Variants in PABPC4 observed in about 807,000 individuals in gnomAD.
The protein encoded by PABPC4 is poly(A) binding protein cytoplasmic 4, also known as polyadenylate-binding protein 4.
Under a neutral mutation model 74.5 loss-of-function variants are expected in PABPC4, and 15 were observed. The ratio of observed to expected loss-of-function variants is 0.20; its 90% CI spans 0.13 to 0.31. PABPC4 has a LOEUF of 0.31. Ranked by LOEUF, PABPC4 falls within the 10% of genes least tolerant of loss-of-function variation. PABPC4 has a pLI of 1.00. For synonymous variants in PABPC4, 345 were observed against 303.0 expected, an observed-to-expected ratio of 1.14 and a Z score of -1.44; for missense variants, 610 against 853.5, an observed-to-expected ratio of 0.71 and a Z score of 3.55.
rs1646021049 is a variant in PABPC4 at position 39,576,027 on chromosome 1, T to TCGGACC, written c.-77_-76insGGTCCG. The TCGGACC allele has an allele frequency of 9.8e-7, 1 of 1,019,100 alleles. No individual in the cohort carries two copies. The highest frequency in any genetic ancestry group is 1.3e-6 in the Non-Finnish European group (1 of 747,302). 63.1% of individuals were successfully genotyped at this position (1,019,100 alleles called of 1,614,324 possible). Reference sequence around the variant, plus strand: ...CCCGCCGCAGGACAAAGGGGCGCCTTCGGAGCCCGGGCCCGCGCCGCGGCT... The same window carrying TCGGACC: ...CCCGCCGCAGGACAAAGGGGCGCCTTCGGACCCGGAGCCCGGGCCCGCGCCGCGGCT... On this transcript the variant is annotated 5_prime_UTR_variant, in exon 1 of 16. Transcript: ENST00000372858.
chr1:39,576,241 T>C lies in PABPC4; in HGVS notation c.-290A>G. On this transcript the variant is annotated 5_prime_UTR_variant, in exon 1 of 16. Coordinates refer to ENST00000372858, the MANE Select transcript of PABPC4 (RefSeq NM_001135653.2). ...GTGCGAAGCTCCAAATTTCAAAAAA[T>C]CAAAGTAGGAAAAAAATTAAACGGG... is the stretch of plus-strand genomic sequence containing the variant. 1 of 341,406 alleles carries C rather than the reference T, an allele frequency of 2.9e-6. No homozygotes were observed. The highest frequency in any genetic ancestry group is 7.4e-4 in the Middle Eastern group (1 of 1,350). The allele number at this position is 341,406 out of a possible 1,614,324, so 21.1% of individuals were successfully genotyped here.
At chr1:39,563,947 T>C in intron 10 of PABPC4, 25 bp from the exon 11 acceptor site, 1 of 1,609,968 alleles carries the variant, frequency 6.2e-7, no homozygotes, top group South Asian at 1.1e-5. Context: ...CAAATGCACA[T>C]CAGTGTTGGC....
At position 39,576,007 on chromosome 1, in the gene PABPC4, C is replaced by A. The variant is rs1167405312; in HGVS notation, c.-56G>T. ...CAGGAGGACTTCTTATCGGGCCCGC[C>A]GCAGGACAAAGGGGCGCCTTCGGAG... On this transcript the variant is annotated 5_prime_UTR_variant, in exon 1 of 16. Coordinates refer to ENST00000372858, the MANE Select transcript of PABPC4 (RefSeq NM_001135653.2). 5 of 1,288,386 alleles carry A rather than the reference C, an allele frequency of 3.9e-6. No homozygotes were observed. The highest frequency in any genetic ancestry group is 4.1e-6 in the Non-Finnish European group (4 of 967,340). 79.8% of individuals were successfully genotyped at this position (1,288,386 alleles called of 1,614,324 possible).
rs1645774332 is a variant in PABPC4, at chr1:39,561,890, C to G, written c.1894-103G>C. On this transcript the variant is annotated intron_variant, in intron 14 of 15. Transcript: ENST00000372858. Reference sequence around the variant, plus strand: ...ACCAAAGCCAACTGTACAGATGATCCCTAGGCTTCTGGTGCTAACTACTTT... The same window carrying G: ...ACCAAAGCCAACTGTACAGATGATCGCTAGGCTTCTGGTGCTAACTACTTT... The G allele has an allele frequency of 8.3e-6, 10 of 1,204,168 alleles. No homozygotes were observed. The South Asian group carries it at 1.2e-4, about 15-fold the overall frequency. 74.6% of individuals were successfully genotyped at this position (1,204,168 alleles called of 1,614,324 possible). A position where few individuals can be genotyped will look rare whatever the true frequency, so the allele number is the denominator to read the frequency against.
At position 39,565,141 on chromosome 1, in the gene PABPC4, C is replaced by T; in HGVS notation, c.1210G>A (p.Ala404Thr). The change falls in exon 8 of 16, where the codon GCA (alanine) becomes ACA (threonine). Residue 404 changes from alanine to threonine, a missense_variant. Physicochemically the swap from Ala to Thr is moderately conservative, Grantham distance 58 (BLOSUM62 0). Coordinates refer to ENST00000372858, the MANE Select transcript of PABPC4 (RefSeq NM_001135653.2). ...ANAILNQFQP[A>T]AGGYFVPAVP... is the part of the protein sequence containing the mutation. ...GCTGGCACAAAGTAGCCACCCGCTG[C>T]AGGCTGGAACTGATTTAAGATGGCA... The T allele has an allele frequency of 3.1e-6, 5 of 1,614,172 alleles. No homozygotes were observed. Among genetic ancestry groups the T allele is most frequent in the Admixed American group, 1.7e-5 (1 of 60,030 alleles).
chr1:39,565,171 C>T lies in PABPC4; in HGVS notation c.1180G>A (p.Ala394Thr). The T allele has an allele frequency of 6.2e-7, 1 of 1,614,190 alleles. No individual in the cohort carries two copies. Among genetic ancestry groups the T allele is most frequent in the Non-Finnish European group, 8.5e-7 (1 of 1,180,034 alleles). The change falls in exon 8 of 16, where the codon GCC (alanine) becomes ACC (threonine). Residue 394 changes from alanine (A) to threonine (T), a missense_variant. This residue lies in a region of PABPC4 where 277 missense variants were observed against 301.8 expected (regional missense o/e 0.92). Coordinates refer to ENST00000372858, the MANE Select transcript of PABPC4 (RefSeq NM_001135653.2). ...QRVAGMRALP[A>T]NAILNQFQPA... The stretch of plus-strand genomic sequence containing the variant: ...TGGAACTGATTTAAGATGGCATTGG[C>T]AGGAAGTGCTCTCATTCCAGCCACT...
Position 39,561,714 on chromosome 1 carries a change from G to T in PABPC4, c.1967C>A (p.Ala656Asp). The T allele has an allele frequency of 6.2e-7, 1 of 1,613,206 alleles. No homozygotes were observed. The highest frequency in any genetic ancestry group is 8.5e-7 in the Non-Finnish European group (1 of 1,179,704). Reference sequence around the variant, plus strand: ...TTTCCTTGTCTAAGAGGTAGCAGCAGCAACAGCGCCCACCTTCTGGGCAGC... The same window carrying T: ...TTTCCTTGTCTAAGAGGTAGCAGCATCAACAGCGCCCACCTTCTGGGCAGC... The part of the protein sequence containing the change: ...KEAAQKVGAV[A>D]AATS The change falls in exon 15 of 16, where the codon GCT becomes GAT. Residue 656 changes from alanine to aspartate, a missense_variant. Physicochemically the swap from Ala to Asp is moderately radical, Grantham distance 126 (BLOSUM62 -2). Transcript: ENST00000372858.
intron 7 of PABPC4, chr1:39,567,323 G>C (rs561927424): frequency 4.0e-6 from 2 of 503,956 alleles, no homozygotes; most frequent in South Asian, 2.9e-5. Flanking sequence ...CAGGGTAGAA[G>C]TTCCCAAGCC....
intron 12 of PABPC4, 112 bp downstream of exon 12, chr1:39,563,502 A>G (rs1009383426): frequency 3.9e-5 from 52 of 1,335,186 alleles, no homozygotes; most frequent in Non-Finnish European, 4.7e-5. Context: ...ACATAGCGTC[A>G]TAACACAGAG....
intron 9 of PABPC4, 64 bp downstream of exon 9, chr1:39,564,622 G>GA (rs1237534805): frequency 6.2e-7 from 1 of 1,609,520 alleles, no homozygotes; most frequent in Non-Finnish European, 8.5e-7. Context: ...GGGGAAGAAG[G>GA]AAAGGCAGGG....
At chr1:39,571,556 T>C (rs1645940260) in intron 2 of PABPC4, 2 of 611,110 alleles carry the variant, frequency 3.3e-6, no homozygotes, top group African/African-American at 3.7e-5. Flanking sequence ...AAGATGCTTC[T>C]ATTCCAAATG....
chr1:39,570,569 T>C (rs2124461744), intron 3 of PABPC4: 1 of 154,656 alleles, frequency 6.5e-6, no homozygotes, highest in South Asian at 2.0e-4. Flanking sequence ...ACAAAAATTA[T>C]TTTGGCTTGT....
At chr1:39,567,571 T>C in intron 7 of PABPC4, 180 bp downstream of exon 7, 2 of 698,002 alleles carry the variant, frequency 2.9e-6, no homozygotes. Context: ...TGGGAAACAG[T>C]GTAATGTTAA....
chr1:39,562,777 T>C (rs997408824), intron 12 of PABPC4: 2 of 188,248 alleles, frequency 1.1e-5, no homozygotes, highest in Non-Finnish European at 2.2e-5. Context: ...AACACTTGTA[T>C]ATAACCTTTT....
chr1:39,566,582 G>A (rs751591208), intron 7 of PABPC4, among the ~76,000 whole-genome samples: 5 of 152,188 alleles, frequency 3.3e-5, no homozygotes, highest in Admixed American at 1.3e-4. Context: ...TTATGTCTTA[G>A]TTAATGGCCC....
In PABPC4 at chr1:39,566,826, G is replaced by T. The variant is rs149825133; in HGVS notation, c.972+925C>A. On this transcript the variant is annotated intron_variant, in intron 7 of 15. Transcript: ENST00000372858. The stretch of plus-strand genomic sequence containing the variant: ...TTACACTGATGAGGGCCAGTCAAGG[G>T]GGGGGTCATAGCAAAAACGAAAGGG... Among the ~76,000 whole-genome samples, 171 of 152,260 alleles carry T rather than the reference G, an allele frequency of 1.1e-3. 1 individual carries two copies. The highest frequency in any genetic ancestry group is 3.9e-3 in the African/African-American group (161 of 41,540).
At chr1:39,572,214 G>A (rs755700601) in intron 2 of PABPC4, among the ~76,000 whole-genome samples, 179 bp downstream of exon 2, 9 of 152,202 alleles carry the variant, frequency 5.9e-5, no homozygotes, top group Non-Finnish European at 1.0e-4. Flanking sequence ...GAAAGCGTGT[G>A]CTGGTTACGC....
rs1403007367 is a variant in PABPC4 at position 39,563,870 on chromosome 1, G to A, written c.1506C>T (p.Ala502=). The A allele has an allele frequency of 6.2e-7, 1 of 1,614,224 alleles. No homozygotes were observed. The highest frequency in any genetic ancestry group is 1.3e-5 in the African/African-American group (1 of 75,060). ...LAMDFGGAGA[A]QQGLTDSCQS... ...GGCAGCTGTCAGTCAGCCCTTGCTGGGCGGCACCAGCCCCACCAAAGTCCA... is the reference window on the plus strand; with the variant it reads ...GGCAGCTGTCAGTCAGCCCTTGCTGAGCGGCACCAGCCCCACCAAAGTCCA... The change falls in exon 11 of 16, where the codon GCC becomes GCT. Residue 502 remains alanine (A), a synonymous_variant. Coordinates refer to ENST00000372858, the MANE Select transcript of PABPC4 (RefSeq NM_001135653.2).
chr1:39,564,108 T>C lies in PABPC4; in HGVS notation c.1454-186A>G, dbSNP rs1645801012. The C allele has an allele frequency of 6.4e-6, 4 of 621,976 alleles. No individual in the cohort carries two copies. In the East Asian group the frequency reaches 1.1e-4, roughly 17 times the overall value. The allele number at this position is 621,976 out of a possible 1,614,324, so 38.5% of individuals were successfully genotyped here. A position where few individuals can be genotyped will look rare whatever the true frequency, so the allele number is the denominator to read the frequency against. The stretch of plus-strand genomic sequence containing the variant: ...ACATCTTGGAATACAAGACATATTC[T>C]GTATACACTGTTTCCTTGTATTCCT... On this transcript the variant is annotated intron_variant, in intron 10 of 15. Transcript: ENST00000372858.
Sources: gnomAD v4.1 joint callset for allele counts (sites outside exome capture counted in the v4.1 genomes callset) on GRCh38, gnomAD v4.1.1 for gene constraint, gnomAD v4.1.1 regional missense constraint, MANE v1.5 for transcripts, NCBI Gene and HGNC (gene_info 2026-07-23, HGNC 2026-07-21) for gene names.